The following KCNIP3 variants were observed in gnomAD, a reference collection of about 807,000 sequenced individuals.
KCNIP3 encodes the protein calsenilin.
KCNIP3 carries 28 observed loss-of-function variants against 35.0 expected under a neutral mutation model. The ratio of observed to expected loss-of-function variants is 0.80; its 90% confidence interval spans 0.59 to 1.10. KCNIP3 has a LOEUF of 1.10. KCNIP3 is among the 50% of genes least tolerant of loss of function. KCNIP3 has a pLI of 0.00. For synonymous variants in KCNIP3, 134 were observed against 133.8 expected (o/e 1.00, Z -0.01); for missense variants, 295 against 338.4 (o/e 0.87, Z 1.01).
intron 1 of KCNIP3, among the ~76,000 whole-genome samples, chr2:95,300,892 T>A (rs1678010133): frequency 6.6e-6 from 1 of 152,196 alleles, no homozygotes; most frequent in Non-Finnish European, 1.5e-5. Context: ...TGGCCATGCC[T>A]GGGCCAGGCT....
At chr2:95,339,167 C>T (rs912658237) in intron 2 of KCNIP3, among the ~76,000 whole-genome samples, 3 of 152,218 alleles carry the variant, frequency 2.0e-5, no homozygotes, top group Non-Finnish European at 1.5e-5. Context: ...CTGCCCCAAT[C>T]TATCCCTCTC....
chr2:95,324,040 A>G (rs1352982990), intron 2 of KCNIP3, among the ~76,000 whole-genome samples: 1 of 152,160 alleles, frequency 6.6e-6, no homozygotes, highest in Non-Finnish European at 1.5e-5. Context: ...ACTGCCTTGG[A>G]ATCCCCACCC....
intron 2 of KCNIP3, among the ~76,000 whole-genome samples, chr2:95,341,086 G>T (rs1028737771): frequency 6.6e-6 from 1 of 152,148 alleles, no homozygotes; most frequent in Non-Finnish European, 1.5e-5. Context: ...ATCTCAAGTC[G>T]AACTGTAATC....
At chr2:95,325,918 T>A (rs1383535539) in intron 2 of KCNIP3, among the ~76,000 whole-genome samples, 2 of 144,418 alleles carry the variant, frequency 1.4e-5, no homozygotes, top group Non-Finnish European at 3.0e-5. Context: ...CTCATACACA[T>A]ACACACTCAT....
Position 95,377,207 on chromosome 2 carries a change from C to T in KCNIP3, c.447+1999C>T, listed in dbSNP as rs1006126077. Among the ~76,000 whole-genome samples, 23 of 152,254 alleles carry T rather than the reference C, an allele frequency of 1.5e-4. No individual in the cohort carries two copies. The highest frequency in any genetic ancestry group is 9.8e-4 in the Admixed American group (15 of 15,292). On this transcript the variant is annotated intron_variant, in intron 5 of 8. Transcript: ENST00000295225. This position sits in a 1 kb window ranked among gnomAD's most constrained non-coding sequence, Gnocchi z 4.7. The stretch of plus-strand genomic sequence containing the variant: ...GTGCAACTCATCTGGCTTGCCAGGA[C>T]GTGCAGAGCTTCCAAAACGATTCCG...
At chr2:95,328,538 C>T (rs572369959) in intron 2 of KCNIP3, among the ~76,000 whole-genome samples, 17 of 152,308 alleles carry the variant, frequency 1.1e-4, no homozygotes, top group Non-Finnish European at 1.6e-4. Context: ...GGCTGGACGC[C>T]GCTGCGTGCC....
rs1298308601 is a variant in KCNIP3, at chr2:95,321,012, GACCCCCAGCCTCTCCTCCCCAC to G, written c.181+10520_181+10541del. Among the ~76,000 whole-genome samples, 1,061 of 113,000 alleles carry G rather than the reference GACCCCCAGCCTCTCCTCCCCAC, an allele frequency of 9.4e-3. 32 individuals are homozygous for G. The highest frequency in any genetic ancestry group is 0.032 in the African/African-American group (897 of 28,266). 74.1% of individuals were successfully genotyped at this position (113,000 alleles called of 152,430 possible). ...GCCTTTCCTAGGCCCTCTCCTCCCT[GACCCCCAGCCTCTCCTCCCCAC>G]ACCCCCAGCCTCTCCTCCCCACACC... is the stretch of plus-strand genomic sequence containing the variant. On this transcript the variant is annotated intron_variant, in intron 2 of 8. Transcript: ENST00000295225.
rs1678720193 is a variant in KCNIP3 at position 95,325,616 on chromosome 2, C to T, written c.181+15096C>T. On this transcript the variant is annotated intron_variant, in intron 2 of 8. Transcript: ENST00000295225. ...GCACTCACACACTCATACACACGTA[C>T]ACACACACACTCACACACACACACG... 3.3e-5 allele frequency among the ~76,000 whole-genome samples: 5 copies of T among 151,410 alleles called. No homozygotes were observed. The South Asian group carries it at 1.1e-3, about 32-fold the overall frequency.
chr2:95,373,414 G>GTTT (rs70964869), intron 2 of KCNIP3, among the ~76,000 whole-genome samples: 2 of 59,982 alleles, frequency 3.3e-5, no homozygotes, highest in Non-Finnish European at 5.8e-5. Flanking sequence ...CAAGTTTGTG[G>GTTT]TTTTTTTTTT....
chr2:95,374,897 C>G lies in KCNIP3; in HGVS notation c.356C>G (p.Ala119Gly). 1 of 1,614,056 alleles carries G rather than the reference C, an allele frequency of 6.2e-7. No individual in the cohort carries two copies. The highest frequency in any genetic ancestry group is 8.5e-7 in the Non-Finnish European group (1 of 1,180,008). Reference protein sequence around the residue: ...VDEDTFKLIYAQFFPQGDATT... With the variant: ...VDEDTFKLIYGQFFPQGDATT... ...GAAGACACCTTCAAACTCATTTACG[C>G]GCAGTTCTTCCCTCAGGGAGGTGAG... Residue 119 changes from alanine to glycine, a missense_variant, in exon 4 of 9, where the codon GCG becomes GGG. Transcript: ENST00000295225.
rs1030452308 is a variant in KCNIP3, at chr2:95,384,478, C to T, written c.*429C>T. The T allele has an allele frequency of 5.0e-6, 1 of 199,500 alleles. No homozygotes were observed. The highest frequency in any genetic ancestry group is 1.0e-5 in the Non-Finnish European group (1 of 97,326). 12.4% of individuals were successfully genotyped at this position (199,500 alleles called of 1,614,324 possible). Reference sequence around the variant, plus strand: ...GCTTTCTTGCCACACAGTGGGCCGGCCCCAGGCTCCCCTGGTCTCCTCCCC... The same window carrying T: ...GCTTTCTTGCCACACAGTGGGCCGGTCCCAGGCTCCCCTGGTCTCCTCCCC... On this transcript the variant is annotated 3_prime_UTR_variant, in exon 9 of 9. Coordinates refer to ENST00000295225, the MANE Select transcript of KCNIP3 (RefSeq NM_013434.5).
intron 2 of KCNIP3, among the ~76,000 whole-genome samples, chr2:95,324,527 A>AAT (rs1678681720): frequency 6.7e-6 from 1 of 148,416 alleles, no homozygotes. Flanking sequence ...TAAATAGATA[A>AAT]ATAAATAAAT....
Position 95,319,536 on chromosome 2 carries a change from G to A in KCNIP3, c.181+9016G>A, listed in dbSNP as rs573633032. On this transcript the variant is annotated intron_variant, in intron 2 of 8. Coordinates refer to ENST00000295225, the MANE Select transcript of KCNIP3 (RefSeq NM_013434.5). ...GTACCTGAGGTCACTGAGCTGCTGGGCATGACCCTCCAAGCTGGGTGCTCC... is the reference window on the plus strand; with the variant it reads ...GTACCTGAGGTCACTGAGCTGCTGGACATGACCCTCCAAGCTGGGTGCTCC... 9.6e-4 allele frequency among the ~76,000 whole-genome samples: 146 copies of A among 152,266 alleles called. No homozygotes were observed. In the Middle Eastern group the frequency reaches 0.014, roughly 14 times the overall value.
intron 1 of KCNIP3, among the ~76,000 whole-genome samples, chr2:95,306,101 T>C (rs1172573584): frequency 6.6e-6 from 1 of 152,216 alleles, no homozygotes; most frequent in Non-Finnish European, 1.5e-5. Flanking sequence ...GCGTTTTCCC[T>C]TTCCACCGAC....
intron 1 of KCNIP3, among the ~76,000 whole-genome samples, chr2:95,301,662 A>T (rs1678034322): frequency 6.6e-6 from 1 of 152,154 alleles, no homozygotes; most frequent in Non-Finnish European, 1.5e-5. Flanking sequence ...CTGACTGTTG[A>T]GGAGAGCCTG....
chr2:95,341,217 C>T (rs1218349399), intron 2 of KCNIP3, among the ~76,000 whole-genome samples: 1 of 152,110 alleles, frequency 6.6e-6, no homozygotes, highest in East Asian at 1.9e-4. Context: ...CTTGTGAGAC[C>T]TGGGTGTTAA....
intron 2 of KCNIP3, among the ~76,000 whole-genome samples, chr2:95,373,759 C>T (rs1341083686): frequency 6.6e-6 from 1 of 152,168 alleles, no homozygotes; most frequent in Non-Finnish European, 1.5e-5. Context: ...TGATCCCTGC[C>T]CCCACAGCCC....
At chr2:95,310,154 G>A (rs1264173932) in intron 1 of KCNIP3, 21 of 699,580 alleles carry the variant, frequency 3.0e-5, no homozygotes, top group Non-Finnish European at 5.0e-5. Context: ...TTACACCATA[G>A]CCAGGGTGTA....
At position 95,377,505 on chromosome 2, in the gene KCNIP3, T is replaced by A. The variant is rs1263299990; in HGVS notation, c.447+2297T>A. On this transcript the variant is annotated intron_variant, in intron 5 of 8. Coordinates refer to ENST00000295225, the MANE Select transcript of KCNIP3 (RefSeq NM_013434.5). The surrounding 1 kb of genome is among the most constrained non-coding windows in gnomAD (Gnocchi z 4.7). ...ACTCTTGTGCACCTTCACCTGGAAG[T>A]ATGCTGTGTCACTGGAGCCCTCACC... is the stretch of plus-strand genomic sequence containing the variant. 2.0e-5 allele frequency among the ~76,000 whole-genome samples: 3 copies of A among 152,192 alleles called. No homozygotes were observed. The highest frequency in any genetic ancestry group is 4.4e-5 in the Non-Finnish European group (3 of 68,018).
Sources: gnomAD v4.1 joint callset for allele counts (sites outside exome capture counted in the v4.1 genomes callset) on GRCh38, gnomAD v4.1.1 for gene constraint, Gnocchi (gnomAD v3.1) non-coding constraint, MANE v1.5 for transcripts, NCBI Gene and HGNC (gene_info 2026-07-23, HGNC 2026-07-21) for gene names.